Variants in CFAP299 observed in about 807,000 individuals in gnomAD.
CFAP299 encodes cilia- and flagella-associated protein 299.
CFAP299 carries 21 observed loss-of-function variants against 27.0 expected under a neutral mutation model. The ratio of observed to expected loss-of-function variants is 0.78; its 90% CI spans 0.55 to 1.12. The LOEUF (loss-of-function observed/expected upper bound fraction) is 1.12. CFAP299 is among the 50% of genes most tolerant of loss of function. CFAP299 has a pLI of 0.00. For synonymous variants in CFAP299, 104 were observed against 98.1 expected, an observed-to-expected ratio of 1.06 and a Z score of -0.36; for missense variants, 310 against 276.6, an observed-to-expected ratio of 1.12 and a Z score of -0.86.
chr4:80,736,143 T>C lies in CFAP299; in HGVS notation c.334-133850T>C, dbSNP rs529961441. Among the ~76,000 whole-genome samples, 10 of 152,304 alleles carry C rather than the reference T, an allele frequency of 6.6e-5. No individual in the cohort carries two copies. In the East Asian group the frequency reaches 1.7e-3, roughly 26 times the overall value. ...GCCATTGCTTTTGGTGTTTTAGACATGAAGTCCTTGCCCATGCCTATGTCC... is the reference window on the plus strand; with the variant it reads ...GCCATTGCTTTTGGTGTTTTAGACACGAAGTCCTTGCCCATGCCTATGTCC... On this transcript the variant is annotated intron_variant, in intron 3 of 5. Transcript: ENST00000358105.
At chr4:80,494,589 C>T (rs1731338712) in intron 2 of CFAP299, among the ~76,000 whole-genome samples, 1 of 152,156 alleles carries the variant, frequency 6.6e-6, no homozygotes, top group African/African-American at 2.4e-5. Flanking sequence ...CCCTAGCCTC[C>T]TTTCAGTTCT....
Position 80,398,805 on chromosome 4 carries a change from G to A in CFAP299, c.242+35921G>A, listed in dbSNP as rs189812440. 1.6e-4 allele frequency among the ~76,000 whole-genome samples: 25 copies of A among 152,108 alleles called. 1 individual carries two copies. Among genetic ancestry groups the A allele is most frequent in the South Asian group, 1.2e-3 (6 of 4,810 alleles). On this transcript the variant is annotated intron_variant, in intron 2 of 5. Transcript: ENST00000358105. ...GCAAGGACTTCATGTCTAAAACACC[G>A]AAAGCAATGACAACAAAAGCCAAAA...
chr4:80,530,411 T>C (rs938585680), intron 2 of CFAP299, among the ~76,000 whole-genome samples: 90 of 152,292 alleles, frequency 5.9e-4, no homozygotes, highest in African/African-American at 2.1e-3. Flanking sequence ...TTCTGGACAG[T>C]ATCAAAAAAG....
At chr4:80,692,868 C>T (rs1462613311) in intron 3 of CFAP299, among the ~76,000 whole-genome samples, 2 of 151,944 alleles carry the variant, frequency 1.3e-5, no homozygotes, top group Non-Finnish European at 2.9e-5. Flanking sequence ...CAAACAACCC[C>T]ATCAAAAAGT....
intron 3 of CFAP299, among the ~76,000 whole-genome samples, chr4:80,862,269 C>T (rs1732427061): frequency 6.6e-6 from 1 of 151,994 alleles, no homozygotes; most frequent in Middle Eastern, 3.2e-3. Context: ...ACTCGGTAGG[C>T]TGAGGCAGGA....
chr4:80,739,127 A>T (rs1724098866), intron 3 of CFAP299, among the ~76,000 whole-genome samples: 1 of 152,074 alleles, frequency 6.6e-6, no homozygotes, highest in East Asian at 1.9e-4. Context: ...TGTCTTGAAA[A>T]GTTGTTTTAG....
At chr4:80,708,480 A>C (rs554036736) in intron 3 of CFAP299, among the ~76,000 whole-genome samples, 1 of 152,138 alleles carries the variant, frequency 6.6e-6, no homozygotes, top group South Asian at 2.1e-4. Flanking sequence ...TATGATTTCC[A>C]GTTGAATTAT....
At chr4:80,484,208 A>G (rs1462873894) in intron 2 of CFAP299, among the ~76,000 whole-genome samples, 1 of 152,152 alleles carries the variant, frequency 6.6e-6, no homozygotes, top group Non-Finnish European at 1.5e-5. Flanking sequence ...AACCAATAGT[A>G]TATTGTGAGT....
At chr4:80,885,432 G>A (rs1393005320) in intron 4 of CFAP299, among the ~76,000 whole-genome samples, 1 of 152,070 alleles carries the variant, frequency 6.6e-6, no homozygotes, top group Non-Finnish European at 1.5e-5. Context: ...CCTAATCCTG[G>A]GCAGTGCAGC....
chr4:80,905,305 G>A (rs1171819237), intron 4 of CFAP299, among the ~76,000 whole-genome samples: 3 of 152,156 alleles, frequency 2.0e-5, no homozygotes, highest in African/African-American at 7.2e-5. Flanking sequence ...TCCACTTAGT[G>A]ATAGAAGACC....
rs151251894 is a variant in CFAP299 at position 80,386,512 on chromosome 4, TGGG to T, written c.242+23638_242+23640del. On this transcript the variant is annotated intron_variant, in intron 2 of 5. Transcript: ENST00000358105. ...GCTGCCCTCTTCTCGCGGGCGGTGG[TGGG>T]GGGGGGGGGTGCCGCCGGGTTTGCA... is the stretch of plus-strand genomic sequence containing the variant. 1.4e-4 allele frequency: 200 copies of T among 1,469,956 alleles called. 2 individuals carry two copies. The African/African-American group carries it at 1.5e-3, about 11-fold the overall frequency. 91.1% of individuals were successfully genotyped at this position (1,469,956 alleles called of 1,614,324 possible). A position where few individuals can be genotyped will look rare whatever the true frequency, so the allele number is the denominator to read the frequency against.
intron 2 of CFAP299, among the ~76,000 whole-genome samples, chr4:80,450,151 T>G (rs1728829249): frequency 6.6e-6 from 1 of 152,118 alleles, no homozygotes; most frequent in Non-Finnish European, 1.5e-5. Flanking sequence ...GATTAATGAC[T>G]AAAGCCAGGG....
chr4:80,894,391 CAG>C (rs1222251456), intron 4 of CFAP299, among the ~76,000 whole-genome samples: 2 of 151,936 alleles, frequency 1.3e-5, no homozygotes, highest in African/African-American at 4.8e-5. Flanking sequence ...GGATCCTAAC[CAG>C]TACATCTAAT....
At chr4:80,878,200 T>C (rs1188440171) in intron 4 of CFAP299, among the ~76,000 whole-genome samples, 1 of 152,128 alleles carries the variant, frequency 6.6e-6, no homozygotes, top group Admixed American at 6.5e-5. Flanking sequence ...CCTCTCTCCA[T>C]ACTTCCCAGC....
chr4:80,515,994 T>C (rs1486114104), intron 2 of CFAP299, among the ~76,000 whole-genome samples: 1 of 150,740 alleles, frequency 6.6e-6, no homozygotes, highest in Non-Finnish European at 1.5e-5. Context: ...TCTAGTGGGA[T>C]GTGTTAGTCT....
chr4:80,649,158 G>A (rs953509810), intron 3 of CFAP299: 4 of 152,234 alleles, frequency 2.6e-5, no homozygotes, highest in Non-Finnish European at 5.9e-5. Flanking sequence ...AAGTATTACA[G>A]AGGGAAGAAA....
At chr4:80,340,343 C>G (rs925383241) in intron 1 of CFAP299, among the ~76,000 whole-genome samples, 5 of 152,196 alleles carry the variant, frequency 3.3e-5, no homozygotes, top group Non-Finnish European at 5.9e-5. Flanking sequence ...CAGGGCCTTC[C>G]ATCCAATACT....
At chr4:80,805,313 T>G (rs1441672070) in intron 3 of CFAP299, among the ~76,000 whole-genome samples, 4 of 152,128 alleles carry the variant, frequency 2.6e-5, no homozygotes, top group African/African-American at 4.8e-5. Flanking sequence ...AGTAAAATTT[T>G]TGTCATCACA....
chr4:80,433,086 T>C (rs1326657395), intron 2 of CFAP299, among the ~76,000 whole-genome samples: 2 of 152,202 alleles, frequency 1.3e-5, no homozygotes, highest in South Asian at 2.1e-4. Flanking sequence ...ATGGCAGATA[T>C]TGAAAAGTTA....
Sources: gnomAD v4.1 joint callset for allele counts (sites outside exome capture counted in the v4.1 genomes callset) on GRCh38, gnomAD v4.1.1 for gene constraint, MANE v1.5 for transcripts, NCBI Gene and HGNC (gene_info 2026-07-23, HGNC 2026-07-21) for gene names.